The following GRIA3 variants were observed in gnomAD, a reference collection of about 807,000 sequenced individuals.
The protein encoded by GRIA3 is glutamate ionotropic receptor AMPA type subunit 3.
Under a neutral mutation model 63.0 loss-of-function variants are expected in GRIA3, and 3 were observed. The ratio of observed to expected loss-of-function variants is 0.05; its 90% CI spans 0.02 to 0.12. GRIA3 has a LOEUF of 0.12. Ranked by LOEUF, GRIA3 falls within the 10% of genes least tolerant of loss-of-function variation. The pLI is 1.00. For synonymous variants in GRIA3, 274 were observed against 257.9 expected (o/e 1.06, Z -0.60); for missense variants, 347 against 700.9 (o/e 0.50, Z 5.70).
intron 4 of GRIA3, among the ~76,000 whole-genome samples, chrX:123,327,591 G>T (rs1457299831): frequency 1.8e-5 from 2 of 110,625 alleles, no homozygotes; most frequent in African/African-American, 6.6e-5. Flanking sequence ...AAAAATAGGT[G>T]ACAAAAGGAA....
intron 3 of GRIA3, among the ~76,000 whole-genome samples, chrX:123,260,503 AGAAAGAAAGAAAGAAAGAAAGAAAG>A (rs2044451612): frequency 6.2e-4 from 10 of 16,229 alleles, no homozygotes; most frequent in Non-Finnish European, 1.4e-3. Context: ...AAAGAAAGAA[AGAAAGAAAGAAAGAAAGAAAGAAAG>A]GAAAGAAAGA....
intron 13 of GRIA3, among the ~76,000 whole-genome samples, chrX:123,470,378 T>C (rs145684386): frequency 1.7e-3 from 195 of 112,100 alleles, no homozygotes; most frequent in African/African-American, 5.9e-3. Context: ...GGAAAAAACA[T>C]AGGGAATTTG....
At chrX:123,317,256 G>A (rs2044837701) in intron 3 of GRIA3, among the ~76,000 whole-genome samples, 1 of 109,555 alleles carries the variant, frequency 9.1e-6, no homozygotes, top group African/African-American at 3.4e-5. Flanking sequence ...GTTGAGATTT[G>A]GGTGGGGACA....
intron 3 of GRIA3, among the ~76,000 whole-genome samples, chrX:123,311,257 A>G (rs1468049017): frequency 8.9e-6 from 1 of 112,055 alleles, no homozygotes; most frequent in African/African-American, 3.2e-5. Context: ...CTATGGGCAA[A>G]GAAAAAGGTT....
At chrX:123,394,278 C>T (rs1309829713) in intron 5 of GRIA3, among the ~76,000 whole-genome samples, 1 of 111,062 alleles carries the variant, frequency 9.0e-6, no homozygotes, top group African/African-American at 3.3e-5. Flanking sequence ...ACGAGAATCG[C>T]TTGAACCCGG....
chrX:123,329,299 G>A (rs1452602005), intron 4 of GRIA3, among the ~76,000 whole-genome samples: 2 of 111,871 alleles, frequency 1.8e-5, no homozygotes, highest in African/African-American at 6.5e-5. Flanking sequence ...TATCCAATGA[G>A]TGTTAATAAA....
chrX:123,300,360 CTTTTTTTTTTTTTTT>C (rs147031319), intron 3 of GRIA3, among the ~76,000 whole-genome samples: 1 of 22,509 alleles, frequency 4.4e-5, no homozygotes, highest in Non-Finnish European at 7.2e-5. Context: ...TGGTCCTGGG[CTTTTTTTTTTTTTTT>C]TTTTTTTTTT....
chrX:123,327,415 T>G (rs2044912625), intron 4 of GRIA3, among the ~76,000 whole-genome samples: 1 of 111,491 alleles, frequency 9.0e-6, no homozygotes, highest in Admixed American at 9.5e-5. Flanking sequence ...AACAAAAATG[T>G]AAGGGAAACA....
At chrX:123,370,159 T>C (rs2045238230) in intron 5 of GRIA3, among the ~76,000 whole-genome samples, 1 of 112,069 alleles carries the variant, frequency 8.9e-6, no homozygotes, top group Admixed American at 9.5e-5. Context: ...GATATTGTGA[T>C]AGGAGCCAAA....
intron 12 of GRIA3, among the ~76,000 whole-genome samples, chrX:123,452,700 T>C (rs370923835): frequency 1.8e-5 from 2 of 111,904 alleles, no homozygotes; most frequent in African/African-American, 6.5e-5. Context: ...AATTGGTCAA[T>C]GGTAATTGGC....
chrX:123,185,419 G>A (rs912792516), intron 1 of GRIA3, among the ~76,000 whole-genome samples: 1 of 104,962 alleles, frequency 9.5e-6, no homozygotes, highest in Non-Finnish European at 2.0e-5. Context: ...ACGGGTTGGG[G>A]TAGCAGGGGG....
intron 5 of GRIA3, among the ~76,000 whole-genome samples, chrX:123,392,042 G>A (rs999454981): frequency 7.1e-5 from 8 of 112,110 alleles, no homozygotes; most frequent in East Asian, 2.8e-4. Flanking sequence ...AGGCAGGGGC[G>A]AGGTGATCCC....
intron 5 of GRIA3, among the ~76,000 whole-genome samples, chrX:123,368,122 G>A (rs1306007677): frequency 1.8e-5 from 2 of 111,736 alleles, no homozygotes; most frequent in East Asian, 5.6e-4. Flanking sequence ...AGAAGTCTGA[G>A]TGACAGTAAT....
chrX:123,377,101 A>AT (rs1311259822), intron 5 of GRIA3, among the ~76,000 whole-genome samples: 2 of 108,930 alleles, frequency 1.8e-5, no homozygotes, highest in Non-Finnish European at 3.8e-5. Flanking sequence ...TGCCCGGCTA[A>AT]TTTTTTTTAT....
At chrX:123,425,277 T>C (rs2045583862) in intron 11 of GRIA3, among the ~76,000 whole-genome samples, 1 of 111,818 alleles carries the variant, frequency 8.9e-6, no homozygotes, top group Admixed American at 9.5e-5. Context: ...TTTTCTATTC[T>C]GCCTCTCTGT....
intron 2 of GRIA3, among the ~76,000 whole-genome samples, chrX:123,250,378 T>G (rs2044382436): frequency 8.9e-6 from 1 of 112,351 alleles, no homozygotes; most frequent in Admixed American, 9.4e-5. Context: ...ATACAAGATT[T>G]TTTTTAATCA....
chrX:123,329,505 C>T (rs2044926831), intron 4 of GRIA3, among the ~76,000 whole-genome samples: 1 of 111,539 alleles, frequency 9.0e-6, no homozygotes, highest in African/African-American at 3.3e-5. Context: ...CTTGAGATTA[C>T]ATTAGGGGAA....
intron 12 of GRIA3, among the ~76,000 whole-genome samples, chrX:123,453,703 A>G (rs2045747154): frequency 9.1e-6 from 1 of 110,053 alleles, no homozygotes. Context: ...TCATTCCTTT[A>G]GCTGTGGTTT....
intron 2 of GRIA3, among the ~76,000 whole-genome samples, chrX:123,231,567 T>C (rs1265598616): frequency 8.9e-6 from 1 of 111,937 alleles, no homozygotes; most frequent in Non-Finnish European, 1.9e-5. Flanking sequence ...ATGTAATCCA[T>C]GCTGTAAAGA....
Sources: allele counts gnomAD v4.1 joint callset (sites outside exome capture counted in the v4.1 genomes callset), GRCh38; gene constraint gnomAD v4.1.1; transcripts MANE v1.5; gene names NCBI Gene and HGNC (gene_info 2026-07-23, HGNC 2026-07-21).